Variants in PTPRD observed in about 807,000 individuals in gnomAD.
PTPRD encodes the protein receptor-type tyrosine-protein phosphatase delta.
In PTPRD, 34 loss-of-function variants were observed where a neutral mutation model predicts 214.5. The observed-to-expected ratio is 0.16, with a 90% CI of 0.12 to 0.21. The LOEUF is 0.21. Among genes scored for constraint, PTPRD ranks in the 10% least tolerant of loss-of-function variants. PTPRD has a pLI of 1.00. For missense variants in PTPRD, 2,545 were observed against 2,398.7 expected (o/e 1.06, Z -1.27); for synonymous variants, 1,128 against 845.7 (o/e 1.33, Z -5.79).
At chr9:9,712,079 G>A (rs1052128053) in intron 7 of PTPRD, among the ~76,000 whole-genome samples, 25 of 152,048 alleles carry the variant, frequency 1.6e-4, no homozygotes, top group Admixed American at 4.6e-4. Flanking sequence ...CAAGTTTTTC[G>A]TTGATTTTAA....
intron 3 of PTPRD, among the ~76,000 whole-genome samples, chr9:10,303,710 C>T (rs865989695): frequency 3.3e-5 from 5 of 151,700 alleles, no homozygotes; most frequent in African/African-American, 1.2e-4. Context: ...AAGACTAAAC[C>T]AAGAAGAAGT....
intron 44 of PTPRD, among the ~76,000 whole-genome samples, chr9:8,325,109 C>T (rs564605769): frequency 6.7e-6 from 1 of 148,628 alleles, no homozygotes; most frequent in East Asian, 1.9e-4. Flanking sequence ...TAATTAGATC[C>T]CATTTGCCAC....
chr9:8,796,787 C>T (rs145894629), intron 11 of PTPRD, among the ~76,000 whole-genome samples: 1,694 of 152,014 alleles, frequency 0.011, 37 homozygotes, highest in African/African-American at 0.039. Flanking sequence ...TGTCAAGTTC[C>T]CATAATTTAT....
At chr9:9,237,133 C>T (rs1352351164) in intron 9 of PTPRD, among the ~76,000 whole-genome samples, 1 of 152,138 alleles carries the variant, frequency 6.6e-6, no homozygotes, top group Non-Finnish European at 1.5e-5. Flanking sequence ...ATATAGAGCA[C>T]AGAAATCTTT....
chr9:8,517,564 T>G (rs1016220317), intron 21 of PTPRD, among the ~76,000 whole-genome samples: 10 of 151,504 alleles, frequency 6.6e-5, no homozygotes, highest in African/African-American at 2.4e-4. Flanking sequence ...TTCTCAAAAC[T>G]GGGCATGGGG....
intron 2 of PTPRD, among the ~76,000 whole-genome samples, chr9:10,538,560 C>T (rs2058398815): frequency 6.6e-6 from 1 of 151,970 alleles, no homozygotes; most frequent in Admixed American, 6.6e-5. Context: ...GCCAGTTTTC[C>T]TACATGATTG....
Position 8,316,086 on chromosome 9 carries a change from A to AAAAC in PTPRD, c.*1784_*1787dup, listed in dbSNP as rs1200334180. On this transcript the variant is annotated 3_prime_UTR_variant, in exon 46 of 46. Transcript: ENST00000381196. ...AGCGGATTTGGAAGGGAATATAAAT[A>AAAAC]AAACAAGTAGCTTTTTCTGATGTTG... 3 of 229,782 alleles carry AAAAC rather than the reference A, an allele frequency of 1.3e-5. No individual in the cohort carries two copies. Among genetic ancestry groups the AAAAC allele is most frequent in the Non-Finnish European group, 1.7e-5 (2 of 115,674 alleles). 14.2% of individuals were successfully genotyped at this position (229,782 alleles called of 1,614,324 possible). A position where few individuals can be genotyped will look rare whatever the true frequency, so the allele number is the denominator to read the frequency against.
At chr9:8,734,088 CTTTG>C (rs1324905282) in intron 11 of PTPRD, 142 bp from the exon 12 acceptor site, 15 of 552,708 alleles carry the variant, frequency 2.7e-5, no homozygotes, top group South Asian at 1.3e-4. Context: ...AACTGTCATA[CTTTG>C]TTTGTATTAG....
At chr9:9,236,399 T>C (rs2099966757) in intron 9 of PTPRD, among the ~76,000 whole-genome samples, 1 of 152,078 alleles carries the variant, frequency 6.6e-6, no homozygotes, top group Non-Finnish European at 1.5e-5. Flanking sequence ...GATACTCCTT[T>C]AATAAGATTA....
chr9:8,536,634 A>C (rs919611473), intron 14 of PTPRD, among the ~76,000 whole-genome samples: 16 of 152,106 alleles, frequency 1.1e-4, no homozygotes, highest in South Asian at 2.1e-4. Flanking sequence ...TACTGTGCCT[A>C]TACCTTTAGC....
At chr9:10,466,105 G>C (rs1367892914) in intron 2 of PTPRD, among the ~76,000 whole-genome samples, 1 of 152,122 alleles carries the variant, frequency 6.6e-6, no homozygotes, top group African/African-American at 2.4e-5. Flanking sequence ...ATGATTTGTT[G>C]AATGATAAAT....
intron 9 of PTPRD, among the ~76,000 whole-genome samples, chr9:9,345,134 G>C (rs192910328): frequency 2.6e-5 from 4 of 152,110 alleles, no homozygotes; most frequent in African/African-American, 9.7e-5. Context: ...CTGAAAGTGA[G>C]ATTTTACAAA....
intron 5 of PTPRD, among the ~76,000 whole-genome samples, chr9:9,895,989 A>C (rs2074858509): frequency 6.6e-6 from 1 of 152,086 alleles, no homozygotes; most frequent in Non-Finnish European, 1.5e-5. Flanking sequence ...ATGGGTAGCT[A>C]AAGGGTCCGT....
chr9:8,825,171 G>C (rs557516096), intron 11 of PTPRD, among the ~76,000 whole-genome samples: 11 of 152,216 alleles, frequency 7.2e-5, no homozygotes, highest in African/African-American at 2.4e-4. Flanking sequence ...GGACCTGTTA[G>C]AAAGTGATAT....
intron 3 of PTPRD, among the ~76,000 whole-genome samples, chr9:10,251,920 A>C (rs939452042): frequency 6.6e-6 from 1 of 152,174 alleles, no homozygotes; most frequent in Non-Finnish European, 1.5e-5. Flanking sequence ...ATTGCAGAGT[A>C]AGGTGGCTAT....
At chr9:9,067,947 T>C (rs1357908325) in intron 10 of PTPRD, among the ~76,000 whole-genome samples, 1 of 152,222 alleles carries the variant, frequency 6.6e-6, no homozygotes, top group Admixed American at 6.5e-5. Flanking sequence ...GTGTCCCTCA[T>C]GTTGTCCTTT....
In PTPRD at chr9:10,152,823, C is replaced by A. The variant is rs200699041; in HGVS notation, c.-544-119033G>T. Among the ~76,000 whole-genome samples the A allele has an allele frequency of 1.1e-4, 16 of 152,212 alleles. No individual in the cohort carries two copies. In the East Asian group the frequency reaches 1.5e-3, roughly 15 times the overall value. Reference sequence around the variant, plus strand: ...CTGGGCAACAAGAGTGAACTCCCCCCCTACCCTCCCCCAAAAAGAAGGAAA... The same window carrying A: ...CTGGGCAACAAGAGTGAACTCCCCCACTACCCTCCCCCAAAAAGAAGGAAA... On this transcript the variant is annotated intron_variant, in intron 3 of 45. Coordinates refer to ENST00000381196, the MANE Select transcript of PTPRD (RefSeq NM_002839.4).
At chr9:10,371,307 G>A (rs190265834) in intron 2 of PTPRD, among the ~76,000 whole-genome samples, 104 of 152,072 alleles carry the variant, frequency 6.8e-4, no homozygotes, top group African/African-American at 2.3e-3. Flanking sequence ...AGTTGCTACC[G>A]AGGGTTTATG....
At chr9:8,452,979 A>C (rs1204729189) in intron 33 of PTPRD, among the ~76,000 whole-genome samples, 1 of 152,170 alleles carries the variant, frequency 6.6e-6, no homozygotes, top group Non-Finnish European at 1.5e-5. Flanking sequence ...AATCAATCAA[A>C]ATATTTGTTT....
Sources: allele counts gnomAD v4.1 joint callset (sites outside exome capture counted in the v4.1 genomes callset), GRCh38; gene constraint gnomAD v4.1.1; transcripts MANE v1.5; gene names NCBI Gene and HGNC (gene_info 2026-07-23, HGNC 2026-07-21).